GLT1D1: variants seen among roughly 807,000 people sequenced by gnomAD.
The protein encoded by GLT1D1 is glycosyltransferase 1 domain-containing protein 1.
A neutral mutation model predicts 28.7 loss-of-function variants in GLT1D1; 21 were observed. That is an observed-to-expected ratio of 0.73 (90% confidence interval 0.52 to 1.05). The LOEUF is 1.05. Ranked by LOEUF, GLT1D1 falls within the 50% of genes least tolerant of loss-of-function variation. GLT1D1 has a pLI of 0.00. For missense variants in GLT1D1, 343 were observed against 330.6 expected (o/e 1.04, Z -0.29); for synonymous variants, 147 against 124.8 (o/e 1.18, Z -1.19).
chr12:128,878,974 A>G (rs1019672250), intron 2 of GLT1D1, among the ~76,000 whole-genome samples: 2 of 152,144 alleles, frequency 1.3e-5, no homozygotes, highest in Non-Finnish European at 2.9e-5. Flanking sequence ...AATGTGAAAG[A>G]AGTGTAGAGT....
At chr12:128,903,832 G>A (rs1426217730) in intron 4 of GLT1D1, among the ~76,000 whole-genome samples, 1 of 151,776 alleles carries the variant, frequency 6.6e-6, no homozygotes, top group African/African-American at 2.4e-5. Flanking sequence ...CCAAGTTCAA[G>A]CTATTCTCCT....
intron 1 of GLT1D1, among the ~76,000 whole-genome samples, chr12:128,856,882 G>A (rs1356515599): frequency 1.3e-5 from 2 of 148,528 alleles, no homozygotes; most frequent in Non-Finnish European, 3.0e-5. Context: ...CTCAAGAATC[G>A]CTTGACCTGC....
Position 128,888,694 on chromosome 12 carries a change from C to T in GLT1D1, c.273C>T (p.Ala91=). Reference sequence around the variant, plus strand: ...GTGGAACTGATGTAAATGAAGATGCCAACCAGGCGGAAAAAAACACAGTCA... The same window carrying T: ...GTGGAACTGATGTAAATGAAGATGCTAACCAGGCGGAAAAAAACACAGTCA... The change falls in exon 3 of 8, where the codon GCC becomes GCT. Residue 91 remains alanine (A), a synonymous_variant. Transcript: ENST00000281703. 6.2e-7 allele frequency: 1 copy of T among 1,613,808 alleles called. No individual in the cohort carries two copies. Among genetic ancestry groups the T allele is most frequent in the Non-Finnish European group, 8.5e-7 (1 of 1,179,830 alleles).
intron 2 of GLT1D1, among the ~76,000 whole-genome samples, chr12:128,886,921 G>A (rs149324061): frequency 1.3e-5 from 2 of 151,906 alleles, no homozygotes; most frequent in African/African-American, 2.4e-5. Flanking sequence ...ATGTCTCTCT[G>A]TGTTTTTGGA....
In GLT1D1 at chr12:128,888,697, C is replaced by T; in HGVS notation, c.276C>T (p.Asn92=). ...GAACTGATGTAAATGAAGATGCCAA[C>T]CAGGCGGAAAAAAACACAGTCATGG... Residue 92 remains asparagine (N), a synonymous_variant, in exon 3 of 8, where the codon AAC becomes AAT. Transcript: ENST00000281703. The T allele has an allele frequency of 6.2e-7, 1 of 1,613,760 alleles. No homozygotes were observed. The highest frequency in any genetic ancestry group is 8.5e-7 in the Non-Finnish European group (1 of 1,179,822).
At chr12:128,967,223 G>C (rs985449656) in intron 7 of GLT1D1, among the ~76,000 whole-genome samples, 1 of 152,256 alleles carries the variant, frequency 6.6e-6, no homozygotes, top group African/African-American at 2.4e-5. Flanking sequence ...TCTGGCCATA[G>C]TGTTCTATGT....
intron 2 of GLT1D1, among the ~76,000 whole-genome samples, chr12:128,881,561 A>AAAAAATATATATATAT (rs1555262848): frequency 5.9e-5 from 2 of 33,724 alleles, no homozygotes; most frequent in African/African-American, 1.1e-4. Context: ...AAAAAAAAAA[A>AAAAAATATATATATAT]ATATATATAT....
chr12:128,899,641 C>T (rs937237203), intron 4 of GLT1D1, among the ~76,000 whole-genome samples: 2 of 151,552 alleles, frequency 1.3e-5, no homozygotes, highest in Admixed American at 6.6e-5. Flanking sequence ...CTTCCACCTC[C>T]CGGGTTCAAG....
chr12:128,943,041 C>T (rs1566157726), intron 4 of GLT1D1, among the ~76,000 whole-genome samples: 1 of 152,152 alleles, frequency 6.6e-6, no homozygotes, highest in Non-Finnish European at 1.5e-5. Context: ...GCCACCACGC[C>T]CGGCCTAGAT....
intron 6 of GLT1D1, among the ~76,000 whole-genome samples, chr12:128,951,105 C>A (rs193196040): frequency 1.3e-5 from 2 of 152,212 alleles, no homozygotes; most frequent in African/African-American, 2.4e-5. Context: ...AGATGTGTAT[C>A]GAAACATCAT....
At chr12:128,894,808 C>T (rs1460121931) in intron 3 of GLT1D1, among the ~76,000 whole-genome samples, 1 of 151,682 alleles carries the variant, frequency 6.6e-6, no homozygotes, top group African/African-American at 2.4e-5. Context: ...TGAGACTGTG[C>T]CACTGCACTC....
chr12:128,913,082 C>T (rs187601896), intron 4 of GLT1D1, among the ~76,000 whole-genome samples: 196 of 152,280 alleles, frequency 1.3e-3, no homozygotes, highest in African/African-American at 4.4e-3. Flanking sequence ...AAACCAAATG[C>T]GGAGCTTCTG....
chr12:128,963,580 A>G (rs1488638472), intron 7 of GLT1D1, among the ~76,000 whole-genome samples: 1 of 152,126 alleles, frequency 6.6e-6, no homozygotes, highest in African/African-American at 2.4e-5. Flanking sequence ...CGGGGGGTGG[A>G]GGTTGCAGTA....
chr12:128,866,162 G>A (rs979393247), intron 1 of GLT1D1, among the ~76,000 whole-genome samples: 5 of 150,144 alleles, frequency 3.3e-5, no homozygotes, highest in South Asian at 2.1e-4. Context: ...TCTGCCTGCC[G>A]GGTTCATGCC....
intron 7 of GLT1D1, among the ~76,000 whole-genome samples, chr12:128,959,411 T>TG (rs1555219940): frequency 0.084 from 2,621 of 31,344 alleles, 102 homozygotes; most frequent in African/African-American, 0.18. Flanking sequence ...CATGAGGCAG[T>TG]GGGGGGGGAC....
intron 1 of GLT1D1, among the ~76,000 whole-genome samples, chr12:128,874,035 CCCTCCCTG>C (rs1475241194): frequency 1.9e-4 from 16 of 83,394 alleles, no homozygotes; most frequent in African/African-American, 7.3e-4. Context: ...CTCCCTCCCT[CCCTCCCTG>C]CCTCCCTCCC....
intron 4 of GLT1D1, among the ~76,000 whole-genome samples, chr12:128,899,572 C>T (rs1386430941): frequency 1.3e-4 from 17 of 128,706 alleles, no homozygotes; most frequent in East Asian, 5.0e-4. Flanking sequence ...TTTTTTGAGA[C>T]GGAGTCTTGC....
chr12:128,899,024 C>A (rs1290524231), intron 3 of GLT1D1, among the ~76,000 whole-genome samples: 1 of 152,196 alleles, frequency 6.6e-6, no homozygotes, highest in Middle Eastern at 3.2e-3. Flanking sequence ...GAGTTTTGAG[C>A]TTCGTTTGGT....
At position 128,948,235 on chromosome 12, in the gene GLT1D1, A is replaced by G. The variant is rs141441950; in HGVS notation, c.540+777A>G. 7.6e-4 allele frequency among the ~76,000 whole-genome samples: 116 copies of G among 152,280 alleles called. 1 individual carries two copies. The highest frequency in any genetic ancestry group is 2.7e-3 in the African/African-American group (111 of 41,554). On this transcript the variant is annotated intron_variant, in intron 6 of 7. Coordinates refer to ENST00000281703, the MANE Select transcript of GLT1D1 (RefSeq NM_144669.3). The stretch of plus-strand genomic sequence containing the variant: ...AGGTTTTTGACTGGGGTATTTAACC[A>G]TTATCTTCGGTGCTTGATATTAGGT...
Sources: gnomAD v4.1 joint callset for allele counts (sites outside exome capture counted in the v4.1 genomes callset) on GRCh38, gnomAD v4.1.1 for gene constraint, MANE v1.5 for transcripts, NCBI Gene and HGNC (gene_info 2026-07-23, HGNC 2026-07-21) for gene names.